NADK2: variants seen among roughly 807,000 people sequenced by gnomAD.
NADK2 encodes the protein NAD kinase domain-containing protein 1, mitochondrial.
In NADK2, 35 loss-of-function variants were observed where a neutral mutation model predicts 62.1. The ratio of observed to expected loss-of-function variants is 0.56; its 90% CI spans 0.43 to 0.75. NADK2 has a LOEUF of 0.75. Ranked by LOEUF, NADK2 falls within the 30% of genes least tolerant of loss-of-function variation. The pLI, the probability that NADK2 is intolerant of heterozygous loss-of-function variation, is 0.00. For synonymous variants in NADK2, 205 were observed against 207.9 expected, an observed-to-expected ratio of 0.99 and a Z score of 0.12; for missense variants, 439 against 561.3, an observed-to-expected ratio of 0.78 and a Z score of 2.20.
intron 7 of NADK2, among the ~76,000 whole-genome samples, chr5:36,208,052 A>G (rs1381453204): frequency 3.9e-5 from 6 of 152,038 alleles, no homozygotes; most frequent in African/African-American, 1.4e-4. Context: ...TCAACACTGA[A>G]TTTTTTTCTC....
chr5:36,238,167 TGACAA>T (rs576511415), intron 1 of NADK2, among the ~76,000 whole-genome samples: 2 of 152,302 alleles, frequency 1.3e-5, no homozygotes, highest in East Asian at 3.9e-4. Context: ...GTATACCACC[TGACAA>T]AAGTATACCA....
At position 36,195,057 on chromosome 5, in the gene NADK2, C is replaced by T. The variant is rs1579590133; in HGVS notation, c.*87G>A. ...CACGGGCAAGCAGTCTCAACAATAA[C>T]CAAAAAATGTCACTTTACGACTGGT... On this transcript the variant is annotated 3_prime_UTR_variant, in exon 12 of 12. Transcript: ENST00000381937. 4.8e-6 allele frequency: 7 copies of T among 1,452,940 alleles called. No individual in the cohort carries two copies. In the East Asian group the frequency reaches 1.4e-4, roughly 30 times the overall value. 90.0% of individuals were successfully genotyped at this position (1,452,940 alleles called of 1,614,324 possible).
chr5:36,231,363 T>G (rs188324470), intron 1 of NADK2, among the ~76,000 whole-genome samples: 5 of 152,196 alleles, frequency 3.3e-5, no homozygotes, highest in African/African-American at 1.2e-4. Context: ...ATACTTAACA[T>G]TGAAGCAGAA....
chr5:36,228,716 T>TC (rs1747585452), intron 1 of NADK2, among the ~76,000 whole-genome samples: 1 of 151,656 alleles, frequency 6.6e-6, no homozygotes, highest in South Asian at 2.1e-4. Flanking sequence ...CCTCCCGGAC[T>TC]CAAGCCGCCC....
chr5:36,240,863 C>T (rs1748083114), intron 1 of NADK2, among the ~76,000 whole-genome samples: 1 of 152,208 alleles, frequency 6.6e-6, no homozygotes, highest in African/African-American at 2.4e-5. Flanking sequence ...TCTCCCTTTT[C>T]CTTCTTAGCA....
intron 10 of NADK2, 46 bp downstream of exon 10, chr5:36,200,181 T>G (rs758971564): frequency 4.4e-5 from 62 of 1,413,028 alleles, no homozygotes; most frequent in Non-Finnish European, 5.9e-5. Flanking sequence ...TCCTTAAAAC[T>G]GAAACAGAAC....
In NADK2 at chr5:36,195,265, C is replaced by T; in HGVS notation, c.1208G>A (p.Arg403His). 6.2e-7 allele frequency: 1 copy of T among 1,610,066 alleles called. No individual in the cohort carries two copies. Among genetic ancestry groups the T allele is most frequent in the Non-Finnish European group, 8.5e-7 (1 of 1,178,480 alleles). ...CFSSKVCVRSRCWDACMVVDG... is the reference protein window; with the variant it reads ...CFSSKVCVRSHCWDACMVVDG... ...CACAACCATACAGGCATCCCAACAA[C>T]GAGAACGAACACAAACCCTAGGCAG... The change falls in exon 12 of 12, where the codon CGT becomes CAT. Residue 403 changes from arginine (R) to histidine (H), a missense_variant. Transcript: ENST00000381937.
At chr5:36,224,397 A>G (rs1288805599) in intron 4 of NADK2, among the ~76,000 whole-genome samples, 1 of 152,010 alleles carries the variant, frequency 6.6e-6, no homozygotes. Context: ...TCTCTACTAA[A>G]AGTACAAAAA....
chr5:36,211,477 C>T (rs1238819638), intron 7 of NADK2, among the ~76,000 whole-genome samples: 4 of 151,800 alleles, frequency 2.6e-5, no homozygotes, highest in African/African-American at 9.7e-5. Flanking sequence ...ATTGCTTGAA[C>T]CTGGGAGGCA....
chr5:36,234,851 G>A (rs1205261959), intron 1 of NADK2, among the ~76,000 whole-genome samples: 1 of 152,074 alleles, frequency 6.6e-6, no homozygotes, highest in Non-Finnish European at 1.5e-5. Context: ...GTTGGGAGTG[G>A]GGGAGTCTTT....
In NADK2 at chr5:36,205,441, G is replaced by A. The variant is rs1216577433; in HGVS notation, c.956+1729C>T. Reference sequence around the variant, plus strand: ...GCCAAGCGAGAACAAAAAGTGTGCTGAGAATTGCAAGTAGCTGTGCCAATT... The same window carrying A: ...GCCAAGCGAGAACAAAAAGTGTGCTAAGAATTGCAAGTAGCTGTGCCAATT... On this transcript the variant is annotated intron_variant, in intron 8 of 11. Coordinates refer to ENST00000381937, the MANE Select transcript of NADK2 (RefSeq NM_001085411.3). This position sits in a 1 kb window ranked among gnomAD's most constrained non-coding sequence, Gnocchi z 4.1. Among the ~76,000 whole-genome samples, 1 of 152,064 alleles carries A rather than the reference G, an allele frequency of 6.6e-6. No individual in the cohort carries two copies. The highest frequency in any genetic ancestry group is 1.5e-5 in the Non-Finnish European group (1 of 67,996).
intron 4 of NADK2, among the ~76,000 whole-genome samples, chr5:36,224,537 A>G (rs1747404233): frequency 6.6e-6 from 1 of 151,168 alleles, no homozygotes; most frequent in Non-Finnish European, 1.5e-5. Flanking sequence ...AGCCTGGGCA[A>G]CAGAGCAAGA....
At chr5:36,239,787 C>T (rs183306155) in intron 1 of NADK2, among the ~76,000 whole-genome samples, 170 of 152,288 alleles carry the variant, frequency 1.1e-3, no homozygotes, top group African/African-American at 3.9e-3. Flanking sequence ...CTCTGCAATT[C>T]ACATACTGAA....
chr5:36,229,325 T>G (rs1747619165), intron 1 of NADK2, among the ~76,000 whole-genome samples: 13 of 152,222 alleles, frequency 8.5e-5, no homozygotes, highest in Admixed American at 2.6e-4. Context: ...CAAAATTTAA[T>G]GCCTAGCCAA....
At chr5:36,229,741 T>C (rs1383546195) in intron 1 of NADK2, among the ~76,000 whole-genome samples, 2 of 151,118 alleles carry the variant, frequency 1.3e-5, no homozygotes, top group African/African-American at 2.4e-5. Flanking sequence ...ACATCTTTCT[T>C]TGGCTATCTA....
intron 8 of NADK2, among the ~76,000 whole-genome samples, 159 bp from the exon 9 acceptor site, chr5:36,201,320 A>G (rs1746439433): frequency 6.6e-6 from 1 of 152,126 alleles, no homozygotes; most frequent in Non-Finnish European, 1.5e-5. Context: ...TAGTATGGGT[A>G]TGATGAGACA....
At chr5:36,222,878 T>C (rs575851731) in intron 4 of NADK2, among the ~76,000 whole-genome samples, 2 of 152,342 alleles carry the variant, frequency 1.3e-5, no homozygotes, top group African/African-American at 4.8e-5. Flanking sequence ...ACAGATGATT[T>C]CATTCATCAA....
chr5:36,203,113 T>A (rs1029762472), intron 8 of NADK2, among the ~76,000 whole-genome samples: 3 of 152,106 alleles, frequency 2.0e-5, no homozygotes, highest in African/African-American at 7.2e-5. Context: ...GGTTTAAAAT[T>A]TAAATCACGA....
chr5:36,197,722 A>C lies in NADK2; in HGVS notation c.1067-58T>G, dbSNP rs1258923096. 4 of 1,384,264 alleles carry C rather than the reference A, an allele frequency of 2.9e-6. No homozygotes were observed. The South Asian group carries it at 4.8e-5, about 17-fold the overall frequency. The allele number at this position is 1,384,264 out of a possible 1,614,324, so 85.7% of individuals were successfully genotyped here. ...AAAGATGGTCACTTCTGAGAAGGGC[A>C]AAACAAAAAATAGATGCCATCCCCC... is the stretch of plus-strand genomic sequence containing the variant. On this transcript the variant is annotated intron_variant, in intron 10 of 11. Transcript: ENST00000381937.
Sources: allele counts gnomAD v4.1 joint callset (sites outside exome capture counted in the v4.1 genomes callset), GRCh38; gene constraint gnomAD v4.1.1; non-coding constraint Gnocchi (gnomAD v3.1); transcripts MANE v1.5; gene names NCBI Gene and HGNC (gene_info 2026-07-23, HGNC 2026-07-21).